The following RALGAPA2 variants were observed in gnomAD, a reference collection of about 807,000 sequenced individuals.
RALGAPA2 encodes the protein Ral GTPase activating protein catalytic subunit alpha 2.
RALGAPA2 carries 139 observed loss-of-function variants against 230.4 expected under a neutral mutation model. The ratio of observed to expected loss-of-function variants is 0.60; its 90% CI spans 0.53 to 0.69. The LOEUF is 0.69. Among genes scored for constraint, RALGAPA2 ranks in the 30% least tolerant of loss-of-function variants. The probability of loss-of-function intolerance (pLI) is 0.00; values close to 1 mark genes in which losing one functional copy is unlikely to be tolerated. For synonymous variants in RALGAPA2, 847 were observed against 837.8 expected (o/e 1.01, Z -0.19); for missense variants, 2,163 against 2,276.0 (o/e 0.95, Z 1.01).
Position 20,542,669 on chromosome 20 carries a change from C to T in RALGAPA2, c.3285+4035G>A, listed in dbSNP as rs186206311. ...AAACAAGCAATGGGGAAAGGATTCC[C>T]TATTTAGTAAATGGTGATGTGAAAA... is the stretch of plus-strand genomic sequence containing the variant. On this transcript the variant is annotated intron_variant, in intron 24 of 39. Transcript: ENST00000202677. 4.9e-3 allele frequency among the ~76,000 whole-genome samples: 749 copies of T among 152,254 alleles called. 5 individuals carry two copies. The highest frequency in any genetic ancestry group is 0.017 in the African/African-American group (714 of 41,546).
chr20:20,412,982 G>C (rs2060091898), intron 37 of RALGAPA2, among the ~76,000 whole-genome samples: 1 of 152,172 alleles, frequency 6.6e-6, no homozygotes, highest in Admixed American at 6.5e-5. Flanking sequence ...TCCAATAACA[G>C]GATAACGTCA....
At chr20:20,703,915 C>A (rs568162643) in intron 1 of RALGAPA2, among the ~76,000 whole-genome samples, 1 of 152,160 alleles carries the variant, frequency 6.6e-6, no homozygotes, top group Non-Finnish European at 1.5e-5. Flanking sequence ...ATAGATTTTC[C>A]GCCTTCTTGA....
At chr20:20,669,177 A>C (rs149674916) in intron 3 of RALGAPA2, among the ~76,000 whole-genome samples, 1 of 152,170 alleles carries the variant, frequency 6.6e-6, no homozygotes, top group Admixed American at 6.5e-5. Context: ...TTTTAATTGG[A>C]GTGTGGGAGG....
At chr20:20,688,164 A>T (rs1340545037) in intron 1 of RALGAPA2, among the ~76,000 whole-genome samples, 1 of 152,100 alleles carries the variant, frequency 6.6e-6, no homozygotes, top group African/African-American at 2.4e-5. Flanking sequence ...ATTAAAGAGA[A>T]ATTCACATCT....
intron 24 of RALGAPA2, among the ~76,000 whole-genome samples, chr20:20,544,099 C>A (rs890597651): frequency 6.6e-6 from 1 of 151,638 alleles, no homozygotes; most frequent in African/African-American, 2.4e-5. Flanking sequence ...TGAGATACCA[C>A]CTCACACCAG....
At chr20:20,624,540 T>C (rs192077642) in intron 10 of RALGAPA2, among the ~76,000 whole-genome samples, 93 of 152,212 alleles carry the variant, frequency 6.1e-4, no homozygotes, top group Non-Finnish European at 8.8e-5. Context: ...TACATTAGGA[T>C]TCTGAAATCA....
At chr20:20,590,309 T>G (rs1361737767) in intron 17 of RALGAPA2, among the ~76,000 whole-genome samples, 1 of 152,098 alleles carries the variant, frequency 6.6e-6, no homozygotes, top group Non-Finnish European at 1.5e-5. Flanking sequence ...CTACCAAATA[T>G]GTATAAAAAA....
At chr20:20,637,700 T>A (rs2066900081) in intron 7 of RALGAPA2, among the ~76,000 whole-genome samples, 199 bp from the exon 8 acceptor site, 1 of 152,228 alleles carries the variant, frequency 6.6e-6, no homozygotes, top group Admixed American at 6.5e-5. Flanking sequence ...ACAGTAACTA[T>A]GTTAAAAACA....
intron 36 of RALGAPA2, among the ~76,000 whole-genome samples, chr20:20,481,226 CAA>C (rs2061766725): frequency 6.6e-6 from 1 of 152,086 alleles, no homozygotes; most frequent in African/African-American, 2.4e-5. Context: ...GGAGCAAAGA[CAA>C]AAAAGAATCC....
chr20:20,616,797 T>C (rs374669584), intron 12 of RALGAPA2, among the ~76,000 whole-genome samples: 12 of 152,290 alleles, frequency 7.9e-5, no homozygotes, highest in African/African-American at 2.6e-4. Flanking sequence ...GAAAGATATA[T>C]TATGCAGTAG....
At chr20:20,488,229 A>G (rs1001333333) in intron 36 of RALGAPA2, among the ~76,000 whole-genome samples, 22 of 152,190 alleles carry the variant, frequency 1.4e-4, no homozygotes, top group African/African-American at 4.8e-4. Flanking sequence ...GTATTTCCAA[A>G]TGACTGCTTT....
At chr20:20,567,901 A>C (rs2064494148) in intron 23 of RALGAPA2, among the ~76,000 whole-genome samples, 1 of 147,624 alleles carries the variant, frequency 6.8e-6, no homozygotes, top group South Asian at 2.1e-4. Context: ...AAAATAAAAT[A>C]AAATAAAATA....
At chr20:20,505,296 C>T (rs922512815) in intron 34 of RALGAPA2, 115 bp downstream of exon 34, 6 of 1,254,918 alleles carry the variant, frequency 4.8e-6, no homozygotes, top group Non-Finnish European at 6.2e-6. Flanking sequence ...TTCCAGAACT[C>T]TATCTATGCT....
At chr20:20,600,102 C>A (rs1252644839) in intron 16 of RALGAPA2, among the ~76,000 whole-genome samples, 1 of 151,944 alleles carries the variant, frequency 6.6e-6, no homozygotes, top group African/African-American at 2.4e-5. Context: ...CGAGAACAGT[C>A]TGGCCAACAT....
At chr20:20,532,753 G>T (rs1209658305) in intron 26 of RALGAPA2, among the ~76,000 whole-genome samples, 2 of 152,136 alleles carry the variant, frequency 1.3e-5, no homozygotes, top group African/African-American at 4.8e-5. Context: ...AGAGAGAATA[G>T]GCCCAGCCCT....
chr20:20,418,735 A>C (rs2060216367), intron 37 of RALGAPA2, among the ~76,000 whole-genome samples: 1 of 99,640 alleles, frequency 1.0e-5, no homozygotes, highest in South Asian at 3.3e-4. Flanking sequence ...CTATTGCTAT[A>C]CATTATTTAT....
At position 20,515,856 on chromosome 20, in the gene RALGAPA2, G is replaced by T. The variant is rs377260479; in HGVS notation, c.4085-2572C>A. Among the ~76,000 whole-genome samples the T allele has an allele frequency of 9.2e-5, 14 of 151,932 alleles. No homozygotes were observed. In the South Asian group the frequency reaches 2.3e-3, roughly 25 times the overall value. On this transcript the variant is annotated intron_variant, in intron 31 of 39. Transcript: ENST00000202677. ...GAACCAATGGGAGTGGGGCGGGGGG[G>T]GCAGGGAAGTGCACTGCAGACACAT...
rs1202189153 is a variant in RALGAPA2, at chr20:20,629,539, C to T, written c.1057G>A (p.Gly353Arg). Residue 353 changes from glycine (G) to arginine (R), a missense_variant, in exon 10 of 40, where the codon GGG (glycine) becomes AGG (arginine). Transcript: ENST00000202677. ...QERAPELDGG[G>R]PTEQDKSHSN... ...TGGCTTTTGTCCTGCTCCGTGGGCC[C>T]ACCACCATCCAGCTCAGGCGCTCTC... The T allele has an allele frequency of 1.2e-6, 2 of 1,613,868 alleles. No homozygotes were observed. Among genetic ancestry groups the T allele is most frequent in the East Asian group, 4.5e-5 (2 of 44,882 alleles).
intron 39 of RALGAPA2, among the ~76,000 whole-genome samples, chr20:20,394,520 G>T (rs1012292464): frequency 2.0e-5 from 3 of 152,100 alleles, no homozygotes; most frequent in Non-Finnish European, 2.9e-5. Flanking sequence ...CGCACCTGTA[G>T]TCCCAGCTAC....
Sources: gnomAD v4.1 joint callset for allele counts (sites outside exome capture counted in the v4.1 genomes callset) on GRCh38, gnomAD v4.1.1 for gene constraint, MANE v1.5 for transcripts, NCBI Gene and HGNC (gene_info 2026-07-23, HGNC 2026-07-21) for gene names.